Variants in DNAI7 observed in about 807,000 individuals in gnomAD.
The protein encoded by DNAI7 is dynein axonemal intermediate chain 7, also known as cancer susceptibility 1.
A neutral mutation model predicts 86.6 loss-of-function variants in DNAI7; 78 were observed. The ratio of observed to expected loss-of-function variants is 0.90; its 90% CI spans 0.75 to 1.09. The LOEUF (loss-of-function observed/expected upper bound fraction) is 1.09, where lower values mean the gene tolerates loss of function less well. Ranked by LOEUF, DNAI7 falls within the 50% of genes least tolerant of loss-of-function variation. The pLI is 0.00. For missense variants in DNAI7, 753 were observed against 810.2 expected (o/e 0.93, Z 0.86); for synonymous variants, 274 against 273.0 (o/e 1.00, Z -0.04).
At chr12:25,136,409 C>G (rs1943559706) in intron 9 of DNAI7, among the ~76,000 whole-genome samples, 1 of 152,194 alleles carries the variant, frequency 6.6e-6, no homozygotes, top group Admixed American at 6.5e-5. Flanking sequence ...ATCTGAAAAG[C>G]AGCCCTTGAG....
chr12:25,112,115 C>T (rs1355402135), intron 13 of DNAI7, among the ~76,000 whole-genome samples, 176 bp from the exon 14 acceptor site: 1 of 152,178 alleles, frequency 6.6e-6, no homozygotes. Context: ...GACACAAAGT[C>T]CCCATGTTAT....
rs369253749 is a variant in DNAI7, at chr12:25,120,317, G to GGAGAGAGAGAGAGA, written c.1240-1030_1240-1017dup. On this transcript the variant is annotated intron_variant, in intron 11 of 15. Transcript: ENST00000395987. ...AGAAGAGAGAGAGAGGCAGGAAGAG[G>GGAGAGAGAGAGAGA]GAGAGAGAGAGAGAGAGAGAGAGAG... is the stretch of plus-strand genomic sequence containing the variant. Among the ~76,000 whole-genome samples the GGAGAGAGAGAGAGA allele has an allele frequency of 3.0e-3, 245 of 80,772 alleles. 18 individuals are homozygous for GGAGAGAGAGAGAGA. Among genetic ancestry groups the GGAGAGAGAGAGAGA allele is most frequent in the East Asian group, 0.014 (16 of 1,150 alleles). 53.0% of individuals were successfully genotyped at this position (80,772 alleles called of 152,430 possible).
intron 9 of DNAI7, among the ~76,000 whole-genome samples, chr12:25,124,465 G>A (rs907977024): frequency 6.6e-6 from 1 of 152,002 alleles, no homozygotes; most frequent in Non-Finnish European, 1.5e-5. Context: ...AGGGAAGCAA[G>A]TAAACAAATG....
intron 9 of DNAI7, among the ~76,000 whole-genome samples, chr12:25,135,881 G>A (rs569936768): frequency 6.6e-6 from 1 of 152,014 alleles, no homozygotes; most frequent in African/African-American, 2.4e-5. Context: ...GCCCAGACAT[G>A]CCTATACCTG....
At chr12:25,122,470 AAGG>A (rs201083656) in intron 10 of DNAI7, among the ~76,000 whole-genome samples, 1,418 of 127,640 alleles carry the variant, frequency 0.011, 58 homozygotes, top group African/African-American at 0.062. Flanking sequence ...AAAAAAAAAG[AAGG>A]AGAAGAAGAA....
At position 25,108,359 on chromosome 12, in the gene DNAI7, A is replaced by C; in HGVS notation, c.*189T>G. On this transcript the variant is annotated 3_prime_UTR_variant, in exon 16 of 16. Transcript: ENST00000395987. ...CATAGAGTGAAAGCTGAAATTCTTA[A>C]CAGGCCAAGTATTCAAAGGAAAAAA... 3.5e-6 allele frequency: 2 copies of C among 564,914 alleles called. No homozygotes were observed. The highest frequency in any genetic ancestry group is 5.9e-6 in the Non-Finnish European group (2 of 337,392). The allele number at this position is 564,914 out of a possible 1,614,324, so 35.0% of individuals were successfully genotyped here. A position where few individuals can be genotyped will look rare whatever the true frequency, so the allele number is the denominator to read the frequency against.
chr12:25,137,960 T>G (rs963841080), intron 9 of DNAI7, among the ~76,000 whole-genome samples: 4 of 151,072 alleles, frequency 2.6e-5, no homozygotes, highest in Non-Finnish European at 5.9e-5. Flanking sequence ...CTCCAATACT[T>G]CAACACTGAC....
chr12:25,158,705 A>AAG, intron 3 of DNAI7, 142 bp from the exon 4 acceptor site: 1 of 1,487,764 alleles, frequency 6.7e-7, no homozygotes. Flanking sequence ...AGATATGAGA[A>AAG]AAGTGTCAGT....
At chr12:25,141,595 C>T (rs1944190533) in intron 9 of DNAI7, among the ~76,000 whole-genome samples, 1 of 152,198 alleles carries the variant, frequency 6.6e-6, no homozygotes, top group Admixed American at 6.5e-5. Flanking sequence ...CTTTGGGAGG[C>T]CAAGGCAGGT....
At chr12:25,181,440 C>G (rs1023708102) in intron 2 of DNAI7, among the ~76,000 whole-genome samples, 2 of 151,980 alleles carry the variant, frequency 1.3e-5, no homozygotes, top group Admixed American at 1.3e-4. Flanking sequence ...CTATAAAAAC[C>G]CTAAAAGAAA....
chr12:25,156,370 A>G (rs753016124), intron 4 of DNAI7, among the ~76,000 whole-genome samples: 4 of 152,224 alleles, frequency 2.6e-5, no homozygotes, highest in Non-Finnish European at 5.9e-5. Flanking sequence ...ATCTGTTGCC[A>G]ATGACAAAAT....
intron 2 of DNAI7, among the ~76,000 whole-genome samples, chr12:25,182,114 G>A (rs1238075256): frequency 6.6e-6 from 1 of 151,000 alleles, no homozygotes; most frequent in African/African-American, 2.4e-5. Context: ...TTGGGAGGCC[G>A]AGGCGGGCAG....
At chr12:25,155,260 TC>T in intron 5 of DNAI7, 50 bp downstream of exon 5, 1 of 931,516 alleles carries the variant, frequency 1.1e-6, no homozygotes. Context: ...GGACTACACC[TC>T]CCTCTTGTGG....
chr12:25,107,992 T>C (rs768867004), downstream of DNAI7: 12 of 1,613,972 alleles, frequency 7.4e-6, no homozygotes, highest in Non-Finnish European at 1.0e-5. Context: ...AGAGGACTCA[T>C]GGACGTCTCT....
In DNAI7 at chr12:25,195,067, C is replaced by T. The variant is rs764516897; in HGVS notation, c.3+9G>A. ...CCCTCCACCTGTCTGCCTCATTTGC[C>T]TTGCTCACCATTAAGAGTCAAGCTC... is the stretch of plus-strand genomic sequence containing the variant. On this transcript the variant is annotated intron_variant, in intron 1 of 15. Coordinates refer to ENST00000395987, the MANE Select transcript of DNAI7 (RefSeq NM_018272.5). The T allele has an allele frequency of 1.2e-6, 2 of 1,614,240 alleles. No individual in the cohort carries two copies. The highest frequency in any genetic ancestry group is 1.1e-5 in the South Asian group (1 of 91,090).
chr12:25,108,762 C>G lies in DNAI7; in HGVS notation c.1955G>C (p.Ser652Thr). The change falls in exon 16 of 16, where the codon AGT becomes ACT. Residue 652 changes from serine to threonine, a missense_variant. Transcript: ENST00000395987. ...ENPNWALLMF[S>T]GDRAQRLKIK... ...CTTCAGTCTTTGTGCTCTGTCACCA[C>G]TAAACATTAAAAGGGCCCAATTAGG... The G allele has an allele frequency of 6.9e-7, 1 of 1,453,716 alleles. No homozygotes were observed. The highest frequency in any genetic ancestry group is 9.2e-7 in the Non-Finnish European group (1 of 1,086,004). The allele number at this position is 1,453,716 out of a possible 1,614,324, so 90.1% of individuals were successfully genotyped here. A position where few individuals can be genotyped will look rare whatever the true frequency, so the allele number is the denominator to read the frequency against.
intron 15 of DNAI7, among the ~76,000 whole-genome samples, 195 bp downstream of exon 15, chr12:25,109,932 C>G (rs1949664424): frequency 6.6e-6 from 1 of 152,180 alleles, no homozygotes; most frequent in South Asian, 2.1e-4. Context: ...CCCACCTCAG[C>G]CTCCCATAGT....
intron 9 of DNAI7, among the ~76,000 whole-genome samples, chr12:25,128,982 G>A (rs1942509907): frequency 6.6e-6 from 1 of 152,180 alleles, no homozygotes. Context: ...TGCAAAGCCT[G>A]ACTTTATCTG....
At chr12:25,167,742 A>C (rs1947652443) in intron 2 of DNAI7, among the ~76,000 whole-genome samples, 1 of 151,354 alleles carries the variant, frequency 6.6e-6, no homozygotes, top group Non-Finnish European at 1.5e-5. Flanking sequence ...GTCCAGCAAG[A>C]CCTCCCCAGA....
Sources: gnomAD v4.1 joint callset for allele counts (sites outside exome capture counted in the v4.1 genomes callset) on GRCh38, gnomAD v4.1.1 for gene constraint, MANE v1.5 for transcripts, NCBI Gene and HGNC (gene_info 2026-07-23, HGNC 2026-07-21) for gene names.